GALNT13: variants seen among roughly 807,000 people sequenced by gnomAD.
The protein encoded by GALNT13 is UDP-GalNAc:polypeptide N-acetylgalactosaminyltransferase 13.
In GALNT13, 28 loss-of-function variants were observed where a neutral mutation model predicts 64.2. The observed-to-expected ratio is 0.44, with a 90% CI of 0.32 to 0.60. The LOEUF (loss-of-function observed/expected upper bound fraction) is 0.60. Among genes scored for constraint, GALNT13 ranks in the 20% least tolerant of loss-of-function variants. The pLI is 0.05. For missense variants in GALNT13, 577 were observed against 669.8 expected (o/e 0.86, Z 1.53); for synonymous variants, 214 against 224.6 (o/e 0.95, Z 0.42).
chr2:153,122,589 C>A, the GALNT13 span, among the ~76,000 whole-genome samples: 1 of 152,192 alleles, frequency 6.6e-6, no homozygotes, highest in South Asian at 2.1e-4. Context: ...AGACAAAGCT[C>A]TGGAGGCTTG....
the GALNT13 span, among the ~76,000 whole-genome samples, chr2:153,515,450 C>T: frequency 6.6e-6 from 1 of 152,152 alleles, no homozygotes; most frequent in Non-Finnish European, 1.5e-5. Context: ...CCCATTCTCC[C>T]ACCATCAGCA....
At chr2:153,257,086 G>C in the GALNT13 span, among the ~76,000 whole-genome samples, 1 of 152,208 alleles carries the variant, frequency 6.6e-6, no homozygotes, top group African/African-American at 2.4e-5. Flanking sequence ...TCAGACTGCT[G>C]TGCTAGCAAT....
At chr2:154,202,799 C>T (rs912410984) in intron 4 of GALNT13, among the ~76,000 whole-genome samples, 3 of 152,026 alleles carry the variant, frequency 2.0e-5, no homozygotes, top group Admixed American at 6.6e-5. Flanking sequence ...AACAATTATC[C>T]AAAATGACTA....
the GALNT13 span, among the ~76,000 whole-genome samples, chr2:153,072,670 A>G: frequency 1.3e-5 from 2 of 152,084 alleles, no homozygotes; most frequent in African/African-American, 4.8e-5. Flanking sequence ...TACCTCTCCA[A>G]TTTAACCTCT....
chr2:153,460,021 T>C, the GALNT13 span, among the ~76,000 whole-genome samples: 47 of 152,238 alleles, frequency 3.1e-4, no homozygotes, highest in African/African-American at 1.0e-3. Context: ...TTATGGTATA[T>C]GAGGATTTTT....
chr2:154,043,451 T>TAG (rs1403298945), intron 3 of GALNT13, among the ~76,000 whole-genome samples: 1 of 113,600 alleles, frequency 8.8e-6, no homozygotes, highest in African/African-American at 4.0e-5. Flanking sequence ...TATATATATA[T>TAG]ATATACACAC....
chr2:153,773,751 G>C, the GALNT13 span, among the ~76,000 whole-genome samples: 5 of 152,218 alleles, frequency 3.3e-5, no homozygotes, highest in South Asian at 2.1e-4. Flanking sequence ...ATCATAATAG[G>C]CTGTGGAAGA....
Position 154,259,431 on chromosome 2 carries a change from G to A in GALNT13, c.975+293G>A, listed in dbSNP as rs142688899. On this transcript the variant is annotated intron_variant, in intron 8 of 12. Transcript: ENST00000392825. ...AAGAAGGGTTTTATTTTTTAATAAC[G>A]TGTTGCTCTATAAAATCACTTTGTG... Among the ~76,000 whole-genome samples, 1,318 of 152,162 alleles carry A rather than the reference G, an allele frequency of 8.7e-3. 8 individuals are homozygous for A. The highest frequency in any genetic ancestry group is 0.012 in the Non-Finnish European group (848 of 67,986).
chr2:153,162,302 CA>C, the GALNT13 span, among the ~76,000 whole-genome samples: 11 of 152,134 alleles, frequency 7.2e-5, no homozygotes, highest in Non-Finnish European at 1.3e-4. Flanking sequence ...ATTTTTCATC[CA>C]TTTTTTGGAA....
the GALNT13 span, among the ~76,000 whole-genome samples, chr2:153,816,697 C>T: frequency 6.6e-6 from 1 of 152,110 alleles, no homozygotes; most frequent in South Asian, 2.1e-4. Context: ...TAGAAGGCTG[C>T]TACTTTTGAG....
chr2:154,337,501 G>T (rs1695521552), intron 9 of GALNT13, among the ~76,000 whole-genome samples: 1 of 151,758 alleles, frequency 6.6e-6, no homozygotes, highest in South Asian at 2.1e-4. Flanking sequence ...TTTTTGAAAT[G>T]TTTTAAAATT....
the GALNT13 span, among the ~76,000 whole-genome samples, chr2:153,643,088 ATAGT>A: frequency 5.9e-5 from 9 of 151,452 alleles, no homozygotes; most frequent in African/African-American, 1.9e-4. Flanking sequence ...TAGTAGAAAA[ATAGT>A]TAATATACAA....
intron 2 of GALNT13, among the ~76,000 whole-genome samples, chr2:153,932,009 G>GT (rs1690562951): frequency 1.3e-5 from 2 of 151,894 alleles, no homozygotes; most frequent in Non-Finnish European, 2.9e-5. Context: ...TGGTTGGTGG[G>GT]TTTTTTATTA....
the GALNT13 span, among the ~76,000 whole-genome samples, chr2:153,828,407 A>C: frequency 6.6e-6 from 1 of 152,322 alleles, no homozygotes; most frequent in South Asian, 2.1e-4. Flanking sequence ...CCCAAACCTC[A>C]AATCATGGCT....
At chr2:153,401,242 G>C in the GALNT13 span, among the ~76,000 whole-genome samples, 1 of 152,050 alleles carries the variant, frequency 6.6e-6, no homozygotes, top group South Asian at 2.1e-4. Context: ...GCTTTTGAAT[G>C]AGATTCTTAA....
chr2:154,362,975 C>G (rs1403612047), intron 9 of GALNT13, among the ~76,000 whole-genome samples: 2 of 151,436 alleles, frequency 1.3e-5, no homozygotes, highest in Admixed American at 6.6e-5. Context: ...TTACCAAATT[C>G]CTTACACAGC....
At chr2:154,137,010 CTCTT>C (rs1048221816) in intron 3 of GALNT13, among the ~76,000 whole-genome samples, 2 of 151,320 alleles carry the variant, frequency 1.3e-5, no homozygotes, top group African/African-American at 4.9e-5. Context: ...GTACATGAGT[CTCTT>C]TGTGTGTGTG....
At chr2:153,134,038 G>C in the GALNT13 span, among the ~76,000 whole-genome samples, 1 of 152,152 alleles carries the variant, frequency 6.6e-6, no homozygotes, top group Non-Finnish European at 1.5e-5. Context: ...TGTGGCTTCT[G>C]AATTCTTTTC....
chr2:153,685,495 C>A, the GALNT13 span, among the ~76,000 whole-genome samples: 378 of 151,940 alleles, frequency 2.5e-3, 1 homozygote, highest in African/African-American at 8.8e-3. Context: ...GTCTTTTGCT[C>A]ATTTTAAATG....
Sources: gnomAD v4.1 joint callset for allele counts (sites outside exome capture counted in the v4.1 genomes callset) on GRCh38, gnomAD v4.1.1 for gene constraint, MANE v1.5 for transcripts, NCBI Gene and HGNC (gene_info 2026-07-23, HGNC 2026-07-21) for gene names.